Variants in SLC35E4 observed in about 807,000 individuals in gnomAD.
SLC35E4 encodes the protein solute carrier family 35, member E4.
SLC35E4 carries 15 observed loss-of-function variants against 19.3 expected under a neutral mutation model. The ratio of observed to expected loss-of-function variants is 0.78; its 90% CI spans 0.52 to 1.20. SLC35E4 has a LOEUF of 1.20. Ranked by LOEUF, SLC35E4 falls within the 50% of genes most tolerant of loss-of-function variation. The probability of loss-of-function intolerance (pLI) is 0.00; values close to 1 mark genes in which losing one functional copy is unlikely to be tolerated. For missense variants in SLC35E4, 406 were observed against 472.3 expected (o/e 0.86, Z 1.30); for synonymous variants, 219 against 219.9 (o/e 1.00, Z 0.04).
chr22:30,649,089 C>T, downstream of SLC35E4: 2 of 692,694 alleles, frequency 2.9e-6, no homozygotes, highest in Non-Finnish European at 5.4e-6. Context: ...ATGATAAGGA[C>T]CCAGTTGGAG....
chr22:30,653,316 T>C (rs1352208739), intron 2 of SLC35E4, among the ~76,000 whole-genome samples: 1 of 151,930 alleles, frequency 6.6e-6, no homozygotes. Flanking sequence ...TTTCAGTGTC[T>C]AGGTCTCCTG....
At chr22:30,640,113 C>T (rs544327622) in intron 1 of SLC35E4, among the ~76,000 whole-genome samples, 4 of 152,306 alleles carry the variant, frequency 2.6e-5, no homozygotes, top group South Asian at 2.1e-4. Flanking sequence ...CTGGTCCCTC[C>T]GTTTGGGGTC....
intron 1 of SLC35E4, among the ~76,000 whole-genome samples, chr22:30,638,373 G>C (rs534495551): frequency 6.6e-6 from 1 of 151,668 alleles, no homozygotes; most frequent in South Asian, 2.1e-4. Context: ...GCCATGGCAG[G>C]TGTCTGTAAT....
At chr22:30,637,906 C>A (rs1453756339) in intron 1 of SLC35E4, among the ~76,000 whole-genome samples, 1 of 152,126 alleles carries the variant, frequency 6.6e-6, no homozygotes, top group Non-Finnish European at 1.5e-5. Context: ...CTGGGATGAG[C>A]TGGGATTTGG....
intron 2 of SLC35E4, among the ~76,000 whole-genome samples, chr22:30,657,630 C>T (rs946614064): frequency 6.6e-5 from 10 of 151,498 alleles, no homozygotes; most frequent in Non-Finnish European, 8.8e-5. Context: ...ATAGGCCAGG[C>T]GCGGTGGCTC....
chr22:30,667,089 A>T (rs1196007269), downstream of SLC35E4: 1 of 152,184 alleles, frequency 6.6e-6, no homozygotes, highest in Non-Finnish European at 1.5e-5. Flanking sequence ...GTTCAGCTTC[A>T]CCACTTTACA....
intron 2 of SLC35E4, among the ~76,000 whole-genome samples, chr22:30,657,720 C>G (rs991711280): frequency 1.3e-5 from 2 of 151,084 alleles, no homozygotes; most frequent in Non-Finnish European, 2.9e-5. Context: ...CTGGCTAACA[C>G]GGTGAAACCC....
chr22:30,658,636 G>T (rs928732177), intron 2 of SLC35E4, among the ~76,000 whole-genome samples: 1 of 152,018 alleles, frequency 6.6e-6, no homozygotes, highest in Non-Finnish European at 1.5e-5. Flanking sequence ...AAAATGAGGG[G>T]TCTTGAAAGC....
rs1220273335 is a variant in SLC35E4 at position 30,636,521 on chromosome 22, G to A, written c.71G>A (p.Gly24Asp). The A allele has an allele frequency of 1.9e-6, 3 of 1,550,402 alleles. No individual in the cohort carries two copies. The highest frequency in any genetic ancestry group is 2.6e-6 in the Non-Finnish European group (3 of 1,146,232). The change falls in exon 1 of 2, where the codon GGT becomes GAT. Residue 24 changes from glycine (G) to aspartate (D), a missense_variant. Coordinates refer to ENST00000343605, the MANE Select transcript of SLC35E4 (RefSeq NM_001001479.4). ...GCCGAAGTAGGAGCAGCAGCTGGTG[G>A]TGCTCAGGCGGCTGGGCCCCCCGAG... ...TSAEVGAAAG[G>D]AQAAGPPEWP...
At chr22:30,665,616 C>A, downstream of SLC35E4, 1 of 461,610 alleles carries the variant, frequency 2.2e-6, no homozygotes, top group Non-Finnish European at 4.5e-6. Flanking sequence ...GTTTGACCAA[C>A]TCTGCTCCAG....
intron 1 of SLC35E4, among the ~76,000 whole-genome samples, chr22:30,639,263 A>G (rs1484699093): frequency 6.6e-6 from 1 of 152,132 alleles, no homozygotes; most frequent in Non-Finnish European, 1.5e-5. Flanking sequence ...TGATTTTCAA[A>G]AGGGGAGGGA....
downstream of SLC35E4, among the ~76,000 whole-genome samples, chr22:30,650,414 T>C (rs1007534810): frequency 6.6e-6 from 1 of 152,174 alleles, no homozygotes; most frequent in African/African-American, 2.4e-5. Flanking sequence ...GAGAATCGCT[T>C]GAGCCTAGGA....
At chr22:30,666,062 G>T (rs979218442), downstream of SLC35E4, among the ~76,000 whole-genome samples, 2 of 152,204 alleles carry the variant, frequency 1.3e-5, no homozygotes, top group African/African-American at 4.8e-5. Context: ...GACAGAGAGG[G>T]CTGGCTTGCT....
chr22:30,641,269 T>C (rs1176084726), intron 1 of SLC35E4, among the ~76,000 whole-genome samples: 1 of 152,208 alleles, frequency 6.6e-6, no homozygotes, highest in Non-Finnish European at 1.5e-5. Flanking sequence ...TGGAGTGGCA[T>C]GTGCCTGGCA....
downstream of SLC35E4, chr22:30,667,112 T>C (rs1486784021): frequency 1.3e-5 from 2 of 152,202 alleles, no homozygotes; most frequent in African/African-American, 2.4e-5. Context: ...CTATGAAGTA[T>C]TTGGCTTCCC....
At chr22:30,651,395 GTGTGTATATATATA>G (rs1465681920), downstream of SLC35E4, among the ~76,000 whole-genome samples, 6 of 54,044 alleles carry the variant, frequency 1.1e-4, no homozygotes, top group East Asian at 5.6e-4. Context: ...GTGTGTGTGT[GTGTGTATATATATA>G]TATATATATA....
chr22:30,653,394 C>A (rs2088264952), intron 2 of SLC35E4, among the ~76,000 whole-genome samples: 1 of 148,464 alleles, frequency 6.7e-6, no homozygotes, highest in Admixed American at 6.7e-5. Flanking sequence ...TTTTTTGAGA[C>A]AGAGTCTTGC....
chr22:30,668,535 C>T (rs2088759897), exon 3 of SLC35E4: 1 of 152,398 alleles, frequency 6.6e-6, no homozygotes, highest in Admixed American at 6.5e-5. Flanking sequence ...TCCCCATCTC[C>T]AGTCCACATT....
chr22:30,668,365 C>G (rs1446669498), exon 3 of SLC35E4: 2 of 152,356 alleles, frequency 1.3e-5, no homozygotes, highest in Admixed American at 1.3e-4. Flanking sequence ...AGCCCGAACT[C>G]TTTCAGACTC....
Sources: allele counts gnomAD v4.1 joint callset (sites outside exome capture counted in the v4.1 genomes callset), GRCh38; gene constraint gnomAD v4.1.1; transcripts MANE v1.5; gene names NCBI Gene and HGNC (gene_info 2026-07-23, HGNC 2026-07-21).